Variants in NRXN1 observed in about 807,000 individuals in gnomAD.
NRXN1 encodes the protein neurexin 1, also known as neurexin-1.
A neutral mutation model predicts 150.9 loss-of-function variants in NRXN1; 39 were observed. The ratio of observed to expected loss-of-function variants is 0.26; its 90% CI spans 0.20 to 0.34. The LOEUF is 0.34. Among genes scored for constraint, NRXN1 ranks in the 10% least tolerant of loss-of-function variants. The pLI, the probability that NRXN1 is intolerant of heterozygous loss-of-function variation, is 1.00. For missense variants in NRXN1, 1,815 were observed against 1,949.9 expected, an observed-to-expected ratio of 0.93 and a Z score of 1.30; for synonymous variants, 924 against 757.0, an observed-to-expected ratio of 1.22 and a Z score of -3.62.
chr2:50,724,006 G>C (rs1306130463), intron 5 of NRXN1, among the ~76,000 whole-genome samples: 1 of 152,184 alleles, frequency 6.6e-6, no homozygotes, highest in Non-Finnish European at 1.5e-5. Flanking sequence ...TTGTTTGGTA[G>C]ATGAATGGAG....
At chr2:49,946,952 G>A (rs934768793) in intron 21 of NRXN1, among the ~76,000 whole-genome samples, 2 of 152,070 alleles carry the variant, frequency 1.3e-5, no homozygotes, top group Admixed American at 1.3e-4. Context: ...TAATCATGTA[G>A]GTATCTTTTT....
intron 18 of NRXN1, among the ~76,000 whole-genome samples, chr2:50,173,095 G>T (rs1048683930): frequency 6.6e-6 from 1 of 152,134 alleles, no homozygotes; most frequent in Admixed American, 6.6e-5. Flanking sequence ...CACTAGAATT[G>T]TATCTTGTAG....
intron 17 of NRXN1, among the ~76,000 whole-genome samples, chr2:50,345,470 G>C (rs1372521936): frequency 2.0e-5 from 3 of 152,120 alleles, no homozygotes; most frequent in African/African-American, 7.2e-5. Flanking sequence ...GAAAGGTGAC[G>C]GGTCCTGCAA....
intron 8 of NRXN1, among the ~76,000 whole-genome samples, chr2:50,561,583 A>T (rs1669091208): frequency 1.3e-5 from 2 of 152,180 alleles, no homozygotes; most frequent in South Asian, 4.1e-4. Context: ...AGAACAAGGA[A>T]CAAACTCTGC....
At chr2:49,937,149 G>A (rs929023590) in intron 22 of NRXN1, among the ~76,000 whole-genome samples, 2 of 152,142 alleles carry the variant, frequency 1.3e-5, no homozygotes, top group Non-Finnish European at 2.9e-5. Flanking sequence ...TAACTTTAGT[G>A]GGCTCCATGC....
chr2:50,174,480 A>T (rs2678220), intron 18 of NRXN1, among the ~76,000 whole-genome samples: 2 of 152,050 alleles, frequency 1.3e-5, no homozygotes, highest in African/African-American at 2.4e-5. Context: ...TTAAAAACCA[A>T]GTAAGGATGT....
intron 21 of NRXN1, among the ~76,000 whole-genome samples, chr2:49,982,653 T>C (rs1162829535): frequency 6.6e-6 from 1 of 152,142 alleles, no homozygotes; most frequent in Non-Finnish European, 1.5e-5. Context: ...CACATACATT[T>C]TCCATCTTGA....
At chr2:50,980,652 A>C (rs979587596) in intron 2 of NRXN1, among the ~76,000 whole-genome samples, 1 of 152,124 alleles carries the variant, frequency 6.6e-6, no homozygotes, top group African/African-American at 2.4e-5. Flanking sequence ...AAATGTACAC[A>C]ATAATGCATT....
chr2:50,127,677 G>C (rs1405544982), intron 18 of NRXN1, among the ~76,000 whole-genome samples: 1 of 152,072 alleles, frequency 6.6e-6, no homozygotes, highest in Non-Finnish European at 1.5e-5. Flanking sequence ...GCAATGACCA[G>C]GAAGTCTTGT....
rs796052784 is a variant in NRXN1 at position 50,465,552 on chromosome 2, G to A, written c.3254C>T (p.Thr1085Ile). The change falls in exon 17 of 23, where the codon ACA becomes ATA. Residue 1085 changes from threonine (T) to isoleucine (I), a missense_variant. Thr to Ile is a moderately conservative substitution (Grantham distance 89, BLOSUM62 -1). Around this residue, in one of 6 missense-constraint regions of NRXN1, gnomAD observed 339 missense variants for 440.3 expected, o/e 0.77. Coordinates refer to ENST00000401669, the MANE Select transcript of NRXN1 (RefSeq NM_001330078.2). ...QIERGCEGPS[T>I]TCQEDSCSNQ... ...GGAACATGAGTCCTCTTGGCAGGTT[G>A]TGCTGGGCCCTGCAAAACAATCCAA... 8 of 1,608,164 alleles carry A rather than the reference G, an allele frequency of 5.0e-6. No homozygotes were observed. The Admixed American group carries it at 1.2e-4, about 24-fold the overall frequency.
intron 18 of NRXN1, among the ~76,000 whole-genome samples, chr2:50,127,051 C>T (rs905906499): frequency 6.6e-6 from 1 of 152,030 alleles, no homozygotes; most frequent in Non-Finnish European, 1.5e-5. Flanking sequence ...TGCAATTAGG[C>T]TGCCTGCCAG....
intron 18 of NRXN1, among the ~76,000 whole-genome samples, chr2:50,232,751 T>A (rs2065065089): frequency 6.6e-6 from 1 of 152,114 alleles, no homozygotes; most frequent in East Asian, 1.9e-4. Context: ...TTTATTTCTA[T>A]TTGTAAATAA....
intron 5 of NRXN1, among the ~76,000 whole-genome samples, chr2:50,817,805 T>C (rs546188597): frequency 6.6e-6 from 1 of 152,078 alleles, no homozygotes; most frequent in Admixed American, 6.6e-5. Context: ...TTCAACCCCT[T>C]TTCATGATAA....
intron 2 of NRXN1, among the ~76,000 whole-genome samples, chr2:50,980,046 CT>C (rs1303325528): frequency 4.6e-5 from 7 of 152,092 alleles, no homozygotes; most frequent in Non-Finnish European, 1.0e-4. Flanking sequence ...CGTGTTTAAC[CT>C]AGATTTGCAT....
chr2:50,256,633 C>T lies in NRXN1; in HGVS notation c.3365-19663G>A, dbSNP rs182570112. On this transcript the variant is annotated intron_variant, in intron 17 of 22. Transcript: ENST00000401669. ...GATTCTGCTGATGTTTACCCCTATC[C>T]ACTTTACTTTCTTTAATAACAGAAC... Among the ~76,000 whole-genome samples, 16 of 152,198 alleles carry T rather than the reference C, an allele frequency of 1.1e-4. No homozygotes were observed. In the East Asian group the frequency reaches 3.1e-3, roughly 29 times the overall value.
At chr2:50,772,591 G>C (rs1178449446) in intron 5 of NRXN1, among the ~76,000 whole-genome samples, 1 of 151,898 alleles carries the variant, frequency 6.6e-6, no homozygotes, top group African/African-American at 2.4e-5. Context: ...ATAAATGCTT[G>C]TGTTTTCTTG....
At chr2:50,186,982 AAAC>A (rs1221542464) in intron 18 of NRXN1, among the ~76,000 whole-genome samples, 2 of 152,110 alleles carry the variant, frequency 1.3e-5, no homozygotes, top group Admixed American at 1.3e-4. Context: ...TCCTGGCATT[AAAC>A]AACATCTGCA....
At chr2:50,528,558 C>T in intron 12 of NRXN1, 67 bp downstream of exon 12, 14 of 908,382 alleles carry the variant, frequency 1.5e-5, no homozygotes, top group Admixed American at 4.6e-5. Context: ...CTCTCTCTCT[C>T]TTTTTCTTGA....
chr2:50,423,013 G>T (rs886655041), intron 17 of NRXN1, among the ~76,000 whole-genome samples: 2 of 152,142 alleles, frequency 1.3e-5, no homozygotes, highest in Non-Finnish European at 2.9e-5. Flanking sequence ...CCAAAGCCTT[G>T]AATTCAAATC....
Sources: gnomAD v4.1 joint callset for allele counts (sites outside exome capture counted in the v4.1 genomes callset) on GRCh38, gnomAD v4.1.1 for gene constraint, gnomAD v4.1.1 regional missense constraint, MANE v1.5 for transcripts, NCBI Gene and HGNC (gene_info 2026-07-23, HGNC 2026-07-21) for gene names.